The following GREB1L variants were observed in gnomAD, a reference collection of about 807,000 sequenced individuals.
GREB1L encodes GREB1-like protein.
Under a neutral mutation model 200.8 loss-of-function variants are expected in GREB1L, and 17 were observed. That is an observed-to-expected ratio of 0.08 (90% CI 0.06 to 0.13). GREB1L has a LOEUF of 0.13. Ranked by LOEUF, GREB1L falls within the 10% of genes least tolerant of loss-of-function variation. The pLI is 1.00. For missense variants in GREB1L, 1,657 were observed against 2,367.7 expected, an observed-to-expected ratio of 0.70 and a Z score of 6.23; for synonymous variants, 789 against 893.0, an observed-to-expected ratio of 0.88 and a Z score of 2.08.
chr18:21,245,758 C>T (rs2143836729), intron 1 of GREB1L, among the ~76,000 whole-genome samples: 1 of 152,118 alleles, frequency 6.6e-6, no homozygotes, highest in Middle Eastern at 3.4e-3. Flanking sequence ...TGCTTTGCCA[C>T]CCAGGCTGGA....
chr18:21,443,899 C>A (rs2034058145), intron 10 of GREB1L, among the ~76,000 whole-genome samples: 1 of 152,212 alleles, frequency 6.6e-6, no homozygotes, highest in Admixed American at 6.5e-5. Flanking sequence ...ACTACTCAGC[C>A]CACAGCAAAT....
At chr18:21,447,190 C>T (rs1198600238) in intron 11 of GREB1L, among the ~76,000 whole-genome samples, 1 of 152,042 alleles carries the variant, frequency 6.6e-6, no homozygotes, top group Admixed American at 6.6e-5. Flanking sequence ...GAGGCTGAGG[C>T]AGAAGGATCA....
intron 1 of GREB1L, among the ~76,000 whole-genome samples, chr18:21,328,252 T>C (rs1322599957): frequency 6.6e-6 from 1 of 152,006 alleles, no homozygotes; most frequent in Non-Finnish European, 1.5e-5. Context: ...CTGGATGGAA[T>C]TGTCTGAGCT....
At chr18:21,296,659 G>GTT (rs796685028) in intron 1 of GREB1L, among the ~76,000 whole-genome samples, 132 of 142,036 alleles carry the variant, frequency 9.3e-4, no homozygotes, top group African/African-American at 2.9e-3. Context: ...TTTGTTTTTT[G>GTT]TTTTTTTTTT....
chr18:21,325,711 A>C (rs536257207), intron 1 of GREB1L, among the ~76,000 whole-genome samples: 1 of 148,534 alleles, frequency 6.7e-6, no homozygotes, highest in Non-Finnish European at 1.5e-5. Context: ...CTACTCAGAG[A>C]GCTGAGGTGG....
chr18:21,477,810 A>G (rs951560490), intron 17 of GREB1L, among the ~76,000 whole-genome samples: 5 of 152,034 alleles, frequency 3.3e-5, no homozygotes, highest in Non-Finnish European at 5.9e-5. Context: ...CAAAAAACTA[A>G]CATAATTCTG....
intron 7 of GREB1L, among the ~76,000 whole-genome samples, chr18:21,428,489 C>CTTTA (rs2032829897): frequency 6.6e-6 from 1 of 150,748 alleles, no homozygotes; most frequent in South Asian, 2.1e-4. Context: ...TTGTCAAATG[C>CTTTA]TTTACCTGTG....
chr18:21,350,151 T>C (rs2039412028), intron 1 of GREB1L, among the ~76,000 whole-genome samples: 2 of 152,146 alleles, frequency 1.3e-5, no homozygotes, highest in Admixed American at 1.3e-4. Flanking sequence ...TCATCATTCC[T>C]AGCACAGTTC....
intron 2 of GREB1L, among the ~76,000 whole-genome samples, chr18:21,373,039 T>C (rs1370391997): frequency 6.6e-6 from 1 of 152,082 alleles, no homozygotes; most frequent in South Asian, 2.1e-4. Flanking sequence ...AGGCAAAAGA[T>C]TGGACACCCC....
intron 1 of GREB1L, among the ~76,000 whole-genome samples, chr18:21,345,941 C>T (rs2039337949): frequency 6.6e-6 from 1 of 151,526 alleles, no homozygotes; most frequent in African/African-American, 2.4e-5. Flanking sequence ...ATGAAGCATT[C>T]ATCATAGGTA....
At chr18:21,416,693 CAA>C (rs1366578660) in intron 7 of GREB1L, among the ~76,000 whole-genome samples, 5 of 114,892 alleles carry the variant, frequency 4.4e-5, no homozygotes, top group Non-Finnish European at 5.8e-5. Flanking sequence ...AACTCCATCT[CAA>C]AAAAAAAAAA....
chr18:21,479,662 T>G (rs2035843291), intron 17 of GREB1L, among the ~76,000 whole-genome samples: 2 of 149,634 alleles, frequency 1.3e-5, no homozygotes, highest in African/African-American at 4.9e-5. Flanking sequence ...TTGAGAGACA[T>G]AGCAAGACCC....
intron 1 of GREB1L, among the ~76,000 whole-genome samples, chr18:21,346,822 T>C (rs1212579381): frequency 1.3e-5 from 2 of 152,208 alleles, no homozygotes; most frequent in Admixed American, 1.3e-4. Context: ...CCTTGTTCTC[T>C]CTCTCTTCTC....
intron 1 of GREB1L, among the ~76,000 whole-genome samples, chr18:21,314,317 A>C (rs1310572900): frequency 6.6e-6 from 1 of 152,210 alleles, no homozygotes; most frequent in African/African-American, 2.4e-5. Context: ...TAGTTTAGAT[A>C]GTTTAGGAAG....
intron 18 of GREB1L, among the ~76,000 whole-genome samples, 185 bp downstream of exon 18, chr18:21,485,938 T>C (rs941515849): frequency 2.6e-5 from 4 of 152,038 alleles, no homozygotes; most frequent in African/African-American, 9.7e-5. Context: ...TCATCCAAGA[T>C]CAATAAAGGA....
intron 7 of GREB1L, among the ~76,000 whole-genome samples, chr18:21,424,375 C>G (rs886414118): frequency 5.3e-5 from 8 of 152,272 alleles, no homozygotes; most frequent in Non-Finnish European, 1.2e-4. Context: ...CGAGACCAGC[C>G]TGGCCAACAT....
chr18:21,513,218 T>C (rs1309474520), intron 27 of GREB1L, among the ~76,000 whole-genome samples: 1 of 152,198 alleles, frequency 6.6e-6, no homozygotes, highest in African/African-American at 2.4e-5. Flanking sequence ...TCCTGTCTCT[T>C]CTCTTAATCT....
At chr18:21,296,659 G>GT (rs796685028) in intron 1 of GREB1L, among the ~76,000 whole-genome samples, 5,776 of 141,848 alleles carry the variant, frequency 0.041, 132 homozygotes, top group Non-Finnish European at 0.058. Flanking sequence ...TTTGTTTTTT[G>GT]TTTTTTTTTT....
At chr18:21,483,990 A>AG (rs1333131436) in intron 17 of GREB1L, among the ~76,000 whole-genome samples, 1 of 151,438 alleles carries the variant, frequency 6.6e-6, no homozygotes, top group African/African-American at 2.4e-5. Context: ...AAGAAAAAAA[A>AG]AAAGCTCAGA....
Sources: allele counts gnomAD v4.1 joint callset (sites outside exome capture counted in the v4.1 genomes callset), GRCh38; gene constraint gnomAD v4.1.1; transcripts MANE v1.5; gene names NCBI Gene and HGNC (gene_info 2026-07-23, HGNC 2026-07-21).